FSTL5: variants seen among roughly 807,000 people sequenced by gnomAD.
FSTL5 encodes the protein follistatin like 5.
Under a neutral mutation model 89.1 loss-of-function variants are expected in FSTL5, and 62 were observed. The observed-to-expected ratio is 0.70, with a 90% CI of 0.57 to 0.86. FSTL5 has a LOEUF of 0.86. Ranked by LOEUF, FSTL5 falls within the 40% of genes least tolerant of loss-of-function variation. FSTL5 has a pLI of 0.00. For missense variants in FSTL5, 1,057 were observed against 1,001.6 expected, an observed-to-expected ratio of 1.06 and a Z score of -0.75; for synonymous variants, 383 against 346.2, an observed-to-expected ratio of 1.11 and a Z score of -1.18.
chr4:162,029,099 A>G (rs1737409981), intron 3 of FSTL5, among the ~76,000 whole-genome samples: 1 of 152,038 alleles, frequency 6.6e-6, no homozygotes, highest in Non-Finnish European at 1.5e-5. Flanking sequence ...GAATCTGAAC[A>G]CATGGTTGCA....
chr4:161,422,822 G>A (rs1408869155), intron 15 of FSTL5, among the ~76,000 whole-genome samples: 1 of 151,374 alleles, frequency 6.6e-6, no homozygotes, highest in Non-Finnish European at 1.5e-5. Flanking sequence ...AGAAGTCAGC[G>A]TTGCTTTGGA....
intron 3 of FSTL5, among the ~76,000 whole-genome samples, chr4:161,966,633 A>C (rs1345035239): frequency 4.6e-5 from 7 of 152,098 alleles, no homozygotes; most frequent in African/African-American, 7.2e-5. Flanking sequence ...CCTGATGTGA[A>C]GACACAGAGA....
chr4:161,668,880 G>A (rs1211599071), intron 6 of FSTL5, among the ~76,000 whole-genome samples: 2 of 152,082 alleles, frequency 1.3e-5, no homozygotes, highest in African/African-American at 4.8e-5. Flanking sequence ...GGGAGGCTGA[G>A]GTGGGTGGAT....
intron 8 of FSTL5, among the ~76,000 whole-genome samples, chr4:161,562,791 C>A (rs938223193): frequency 1.6e-4 from 25 of 151,980 alleles, no homozygotes; most frequent in African/African-American, 5.8e-4. Flanking sequence ...TATCACTCAT[C>A]TCCATAACTC....
At chr4:161,722,447 C>T (rs1439063045) in intron 6 of FSTL5, among the ~76,000 whole-genome samples, 3 of 151,940 alleles carry the variant, frequency 2.0e-5, no homozygotes, top group Non-Finnish European at 4.4e-5. Context: ...ATATTTTTTT[C>T]TCCTACTTTA....
chr4:161,920,231 A>AT (rs1275226680), intron 4 of FSTL5, among the ~76,000 whole-genome samples, 173 bp downstream of exon 4: 17 of 152,312 alleles, frequency 1.1e-4, no homozygotes, highest in African/African-American at 3.8e-4. Flanking sequence ...GAATATCAGA[A>AT]TTGTTTCCAT....
chr4:161,448,080 A>G (rs1240876508), intron 15 of FSTL5, among the ~76,000 whole-genome samples: 1 of 152,086 alleles, frequency 6.6e-6, no homozygotes, highest in Admixed American at 6.6e-5. Context: ...GCGTATTTCA[A>G]TATTCACTTT....
chr4:161,484,454 A>G (rs1486245649), intron 12 of FSTL5, among the ~76,000 whole-genome samples: 1 of 152,154 alleles, frequency 6.6e-6, no homozygotes, highest in East Asian at 1.9e-4. Flanking sequence ...AAGTATTCAA[A>G]CATTCACATT....
At chr4:161,496,817 G>A (rs1346656069) in intron 12 of FSTL5, among the ~76,000 whole-genome samples, 1 of 152,056 alleles carries the variant, frequency 6.6e-6, no homozygotes, top group Non-Finnish European at 1.5e-5. Flanking sequence ...GATAGAGATA[G>A]AGATAGAGAT....
intron 15 of FSTL5, among the ~76,000 whole-genome samples, chr4:161,406,213 T>C (rs948116989): frequency 1.3e-5 from 2 of 152,162 alleles, no homozygotes; most frequent in Non-Finnish European, 2.9e-5. Flanking sequence ...TTTTATTATG[T>C]TGTGTTTTGT....
intron 10 of FSTL5, among the ~76,000 whole-genome samples, chr4:161,532,310 C>A (rs1401298794): frequency 6.6e-6 from 1 of 152,022 alleles, no homozygotes. Context: ...AAACAGAAAT[C>A]TCTCGATGTA....
In FSTL5 at chr4:161,928,286, T is replaced by C. The variant is rs767115743; in HGVS notation, c.161-7634A>G. Among the ~76,000 whole-genome samples the C allele has an allele frequency of 7.9e-5, 12 of 151,840 alleles. 1 individual carries two copies. Among genetic ancestry groups the C allele is most frequent in the Admixed American group, 3.3e-4 (5 of 15,190 alleles). The stretch of plus-strand genomic sequence containing the variant: ...AAATATCCCATTGTATGGATTACCA[T>C]GGTTTATTTATCCATTCACCTACTG... On this transcript the variant is annotated intron_variant, in intron 3 of 15. Coordinates refer to ENST00000306100, the MANE Select transcript of FSTL5 (RefSeq NM_020116.5).
chr4:162,060,694 T>A (rs1560997428), intron 2 of FSTL5, among the ~76,000 whole-genome samples: 1 of 152,056 alleles, frequency 6.6e-6, no homozygotes, highest in African/African-American at 2.4e-5. Context: ...ATTATTTCAC[T>A]TTTATTGCTT....
intron 6 of FSTL5, among the ~76,000 whole-genome samples, chr4:161,746,019 A>G (rs17041443): frequency 0.042 from 6,465 of 152,250 alleles, 281 homozygotes; most frequent in African/African-American, 0.1. Context: ...ATCCTTGAGT[A>G]GCTCAGAAAG....
At chr4:161,631,202 G>A (rs1735495258) in intron 7 of FSTL5, among the ~76,000 whole-genome samples, 1 of 152,160 alleles carries the variant, frequency 6.6e-6, no homozygotes, top group Non-Finnish European at 1.5e-5. Context: ...TCATAACAAA[G>A]TCCCTAAAAT....
intron 3 of FSTL5, among the ~76,000 whole-genome samples, chr4:162,023,773 C>A (rs1267559414): frequency 1.3e-5 from 2 of 152,110 alleles, no homozygotes; most frequent in African/African-American, 4.8e-5. Flanking sequence ...AGAACTGGGA[C>A]ATCAAAGGAT....
At chr4:161,999,399 AT>A (rs1195345986) in intron 3 of FSTL5, among the ~76,000 whole-genome samples, 1 of 152,146 alleles carries the variant, frequency 6.6e-6, no homozygotes, top group African/African-American at 2.4e-5. Flanking sequence ...TAATTTGTAA[AT>A]TTGTATTGTA....
intron 10 of FSTL5, among the ~76,000 whole-genome samples, chr4:161,535,484 C>A (rs982751900): frequency 6.6e-6 from 1 of 151,990 alleles, no homozygotes; most frequent in African/African-American, 2.4e-5. Flanking sequence ...AAATGCTCCA[C>A]GTCATCACTC....
chr4:161,393,892 G>T (rs555028419), intron 15 of FSTL5, among the ~76,000 whole-genome samples: 10 of 152,104 alleles, frequency 6.6e-5, no homozygotes, highest in Non-Finnish European at 1.3e-4. Context: ...CTCCAGTCAG[G>T]CCTCTCATTT....
Sources: gnomAD v4.1 joint callset for allele counts (sites outside exome capture counted in the v4.1 genomes callset) on GRCh38, gnomAD v4.1.1 for gene constraint, MANE v1.5 for transcripts, NCBI Gene and HGNC (gene_info 2026-07-23, HGNC 2026-07-21) for gene names.